Variants in SGCD observed in about 807,000 individuals in gnomAD.
SGCD encodes the protein sarcoglycan delta, also known as delta-sarcoglycan.
SGCD carries 18 observed loss-of-function variants against 36.6 expected under a neutral mutation model. The ratio of observed to expected loss-of-function variants is 0.49; its 90% CI spans 0.34 to 0.73. SGCD has a LOEUF of 0.73. Among genes scored for constraint, SGCD ranks in the 30% least tolerant of loss-of-function variants. SGCD has a pLI of 0.01. For synonymous variants in SGCD, 133 were observed against 130.6 expected (o/e 1.02, Z -0.12); for missense variants, 387 against 346.7 (o/e 1.12, Z -0.92).
At chr5:156,178,197 A>T (rs1581149479) in intron 3 of SGCD, among the ~76,000 whole-genome samples, 1 of 152,190 alleles carries the variant, frequency 6.6e-6, no homozygotes, top group South Asian at 2.1e-4. Flanking sequence ...TGGCTTTCTC[A>T]CCACCCCAAA....
intron 4 of SGCD, among the ~76,000 whole-genome samples, chr5:156,530,794 G>C (rs746290922): frequency 6.6e-6 from 1 of 151,846 alleles, no homozygotes; most frequent in Non-Finnish European, 1.5e-5. Context: ...TGGCCAGACT[G>C]GTCTCGAACT....
the SGCD span, among the ~76,000 whole-genome samples, chr5:155,833,877 G>A: frequency 6.6e-6 from 1 of 152,210 alleles, no homozygotes; most frequent in Non-Finnish European, 1.5e-5. Context: ...CATGAGAACA[G>A]TGAATACAGA....
intron 1 of SGCD, among the ~76,000 whole-genome samples, chr5:156,045,562 A>G (rs1035717389): frequency 1.3e-5 from 2 of 152,154 alleles, no homozygotes; most frequent in Non-Finnish European, 2.9e-5. Context: ...CATACCATAG[A>G]CTGTGTGGTT....
intron 7 of SGCD, among the ~76,000 whole-genome samples, chr5:156,653,810 GGGCCAGTCTTACTT>G (rs1448353001): frequency 1.3e-5 from 2 of 151,944 alleles, no homozygotes; most frequent in Non-Finnish European, 1.5e-5. Context: ...CTTTAGCACT[GGGCCAGTCTTACTT>G]GGCCACATTC....
intron 3 of SGCD, among the ~76,000 whole-genome samples, chr5:156,174,035 G>A (rs769364995): frequency 2.0e-5 from 3 of 152,136 alleles, no homozygotes; most frequent in Non-Finnish European, 4.4e-5. Flanking sequence ...TCATTGTAAA[G>A]TATACAGATC....
intron 7 of SGCD, among the ~76,000 whole-genome samples, chr5:156,752,814 C>T (rs932933345): frequency 1.3e-5 from 2 of 151,984 alleles, no homozygotes; most frequent in Non-Finnish European, 2.9e-5. Context: ...AATCAGAAGC[C>T]CTGGCAACCA....
At chr5:155,748,827 T>C in the SGCD span, among the ~76,000 whole-genome samples, 1 of 152,152 alleles carries the variant, frequency 6.6e-6, no homozygotes, top group African/African-American at 2.4e-5. Flanking sequence ...AAAGAAATAG[T>C]AGTTCTAAAG....
chr5:156,129,083 A>T (rs953757354), intron 3 of SGCD, among the ~76,000 whole-genome samples: 4 of 152,164 alleles, frequency 2.6e-5, no homozygotes, highest in African/African-American at 9.6e-5. Flanking sequence ...TTCATGAGGG[A>T]AATTTCTAGG....
intron 3 of SGCD, among the ~76,000 whole-genome samples, chr5:156,230,137 C>T (rs956155877): frequency 6.6e-6 from 1 of 152,062 alleles, no homozygotes; most frequent in Non-Finnish European, 1.5e-5. Context: ...CTGGTGCTTC[C>T]CTGTTTAGCT....
chr5:156,276,830 A>G (rs1766330394), intron 3 of SGCD, among the ~76,000 whole-genome samples: 1 of 152,234 alleles, frequency 6.6e-6, no homozygotes, highest in Non-Finnish European at 1.5e-5. Context: ...ATATTGATAT[A>G]GTAATAATCC....
chr5:156,116,213 G>A (rs1417263744), intron 1 of SGCD, among the ~76,000 whole-genome samples: 1 of 151,684 alleles, frequency 6.6e-6, no homozygotes, highest in Non-Finnish European at 1.5e-5. Context: ...ATCAATAAGA[G>A]GTTTTCTGTC....
chr5:155,966,421 G>C (rs191169356), intron 1 of SGCD, among the ~76,000 whole-genome samples: 32 of 152,226 alleles, frequency 2.1e-4, no homozygotes, highest in Non-Finnish European at 4.0e-4. Context: ...CTTACTGAAA[G>C]GGTTGATGCA....
chr5:156,291,588 G>A (rs1216177163), intron 3 of SGCD, among the ~76,000 whole-genome samples: 2 of 151,926 alleles, frequency 1.3e-5, no homozygotes, highest in Non-Finnish European at 2.9e-5. Flanking sequence ...TGTATTTCTT[G>A]TGGTAAAATA....
At chr5:155,812,783 A>G in the SGCD span, among the ~76,000 whole-genome samples, 1 of 152,158 alleles carries the variant, frequency 6.6e-6, no homozygotes, top group East Asian at 1.9e-4. Flanking sequence ...ACAAAAATCT[A>G]CTTTTTCAAC....
intron 3 of SGCD, among the ~76,000 whole-genome samples, chr5:156,193,479 C>A (rs767674088): frequency 6.6e-6 from 1 of 152,146 alleles, no homozygotes; most frequent in Non-Finnish European, 1.5e-5. Flanking sequence ...TTTCTCCTGG[C>A]CTCTGTGTGG....
chr5:156,370,833 G>A (rs1770347792), intron 3 of SGCD, among the ~76,000 whole-genome samples: 1 of 152,146 alleles, frequency 6.6e-6, no homozygotes, highest in African/African-American at 2.4e-5. Flanking sequence ...CGGTGAGTAA[G>A]TGGAATATTA....
intron 3 of SGCD, among the ~76,000 whole-genome samples, chr5:156,179,259 T>G (rs569975156): frequency 6.6e-6 from 1 of 152,278 alleles, no homozygotes; most frequent in African/African-American, 2.4e-5. Flanking sequence ...TGCTGCTTGG[T>G]TTTTAAAAAA....
chr5:156,043,887 G>A (rs1166433359), intron 1 of SGCD, among the ~76,000 whole-genome samples: 1 of 152,126 alleles, frequency 6.6e-6, no homozygotes, highest in Non-Finnish European at 1.5e-5. Flanking sequence ...TCCCAAATCT[G>A]TCAGTTAATC....
At chr5:156,204,478 A>T (rs1435104002) in intron 3 of SGCD, among the ~76,000 whole-genome samples, 1 of 84,022 alleles carries the variant, frequency 1.2e-5, no homozygotes, top group Non-Finnish European at 3.2e-5. Context: ...ACTCATACAC[A>T]CACACACACA....
Sources: gnomAD v4.1 joint callset for allele counts (sites outside exome capture counted in the v4.1 genomes callset) on GRCh38, gnomAD v4.1.1 for gene constraint, MANE v1.5 for transcripts, NCBI Gene and HGNC (gene_info 2026-07-23, HGNC 2026-07-21) for gene names.